The following B3GALT1 variants were observed in gnomAD, a reference collection of about 807,000 sequenced individuals.
B3GALT1 encodes beta-1,3-galactosyltransferase 1.
Under a neutral mutation model 23.2 loss-of-function variants are expected in B3GALT1, and 10 were observed. The observed-to-expected ratio is 0.43, with a 90% CI of 0.27 to 0.73. The LOEUF is 0.73. Ranked by LOEUF, B3GALT1 falls within the 30% of genes least tolerant of loss-of-function variation. The pLI, the probability that B3GALT1 is intolerant of heterozygous loss-of-function variation, is 0.21. For missense variants in B3GALT1, 299 were observed against 405.4 expected (o/e 0.74, Z 2.25); for synonymous variants, 156 against 141.5 (o/e 1.10, Z -0.73).
intron 2 of B3GALT1, among the ~76,000 whole-genome samples, chr2:167,532,150 T>C (rs1360644752): frequency 6.6e-6 from 1 of 152,168 alleles, no homozygotes; most frequent in Non-Finnish European, 1.5e-5. Context: ...ATGTTTCTTC[T>C]TTGGGGACTT....
intron 1 of B3GALT1, among the ~76,000 whole-genome samples, chr2:167,330,148 A>G (rs1473896747): frequency 6.7e-6 from 1 of 149,580 alleles, no homozygotes; most frequent in East Asian, 1.9e-4. Context: ...GGACCCTGAT[A>G]ATTCATATAT....
At chr2:167,320,544 A>G (rs1024917898) in intron 1 of B3GALT1, among the ~76,000 whole-genome samples, 6 of 152,016 alleles carry the variant, frequency 3.9e-5, no homozygotes, top group Admixed American at 1.3e-4. Flanking sequence ...TTCTAGATTC[A>G]TTGTAGAGCT....
At chr2:167,555,534 A>G (rs1233351606) in intron 2 of B3GALT1, among the ~76,000 whole-genome samples, 1 of 152,134 alleles carries the variant, frequency 6.6e-6, no homozygotes, top group East Asian at 1.9e-4. Flanking sequence ...CTTACATTTT[A>G]CTTTTATACA....
At chr2:167,707,137 CAGCCGTGGTAGTG>C (rs1686977899) in intron 3 of B3GALT1, among the ~76,000 whole-genome samples, 1 of 152,210 alleles carries the variant, frequency 6.6e-6, no homozygotes, top group East Asian at 1.9e-4. Flanking sequence ...GCACACCTTT[CAGCCGTGGTAGTG>C]AGCCACCTTG....
chr2:167,566,535 A>C (rs1403576174), intron 2 of B3GALT1, among the ~76,000 whole-genome samples: 3 of 145,982 alleles, frequency 2.1e-5, no homozygotes, highest in African/African-American at 7.8e-5. Flanking sequence ...AAGAAAAATT[A>C]GCTCAAAATA....
At chr2:167,664,438 A>G (rs1340336288) in intron 3 of B3GALT1, among the ~76,000 whole-genome samples, 2 of 151,872 alleles carry the variant, frequency 1.3e-5, no homozygotes, top group Non-Finnish European at 2.9e-5. Flanking sequence ...TTGACTTGGC[A>G]ATGCGGGCTC....
In B3GALT1 at chr2:167,869,022, A is replaced by G. The variant is rs773969379; in HGVS notation, c.-18A>G. The stretch of plus-strand genomic sequence containing the variant: ...AGGCGTATTCTTCAATATTTGGAAT[A>G]GACGTGTTCTCAAGACAATGGCTTC... On this transcript the variant is annotated 5_prime_UTR_variant, in exon 5 of 5. It adds an upstream start codon to the 5' untranslated region. Coordinates refer to ENST00000392690, the MANE Select transcript of B3GALT1 (RefSeq NM_020981.4). This position sits in a 1 kb window ranked among gnomAD's most constrained non-coding sequence, Gnocchi z 6.4. 6.4e-7 allele frequency: 1 copy of G among 1,572,174 alleles called. No individual in the cohort carries two copies. Among genetic ancestry groups the G allele is most frequent in the South Asian group, 1.2e-5 (1 of 84,914 alleles).
intron 1 of B3GALT1, among the ~76,000 whole-genome samples, chr2:167,368,388 C>T (rs908937963): frequency 6.6e-6 from 1 of 152,074 alleles, no homozygotes; most frequent in African/African-American, 2.4e-5. Flanking sequence ...GACATAAATC[C>T]TGAGGGTTTA....
intron 1 of B3GALT1, among the ~76,000 whole-genome samples, chr2:167,336,167 G>A (rs1177984448): frequency 1.3e-5 from 2 of 152,094 alleles, no homozygotes; most frequent in African/African-American, 2.4e-5. Context: ...ATTTACAGCT[G>A]TAATGACCCT....
chr2:167,752,518 T>TC (rs1431192608), intron 3 of B3GALT1, among the ~76,000 whole-genome samples: 3 of 136,014 alleles, frequency 2.2e-5, no homozygotes, highest in African/African-American at 8.7e-5. Flanking sequence ...CTCTATTTGT[T>TC]TTTTTTTTTA....
intron 3 of B3GALT1, chr2:167,714,790 A>G: frequency 6.2e-7 from 1 of 1,613,672 alleles, no homozygotes; most frequent in South Asian, 1.1e-5. Flanking sequence ...CCAGCTCTTC[A>G]GTGACATGGC....
At chr2:167,685,810 T>C (rs1686609560) in intron 3 of B3GALT1, among the ~76,000 whole-genome samples, 1 of 152,208 alleles carries the variant, frequency 6.6e-6, no homozygotes. Flanking sequence ...TTTTATCTAC[T>C]TTTTTCCTTA....
chr2:167,401,186 T>G (rs1031144173), intron 1 of B3GALT1, among the ~76,000 whole-genome samples: 1 of 152,138 alleles, frequency 6.6e-6, no homozygotes, highest in Admixed American at 6.6e-5. Context: ...AATTAAGTAA[T>G]TAAAATAGTT....
chr2:167,809,067 T>A (rs1183951767), intron 3 of B3GALT1, among the ~76,000 whole-genome samples: 1 of 152,254 alleles, frequency 6.6e-6, no homozygotes, highest in Non-Finnish European at 1.5e-5. Context: ...TTCTTTCAGT[T>A]GATCGAATCA....
At chr2:167,799,985 CAT>C (rs1688610294) in intron 3 of B3GALT1, among the ~76,000 whole-genome samples, 2 of 150,380 alleles carry the variant, frequency 1.3e-5, no homozygotes, top group South Asian at 2.1e-4. Context: ...TATGTATACA[CAT>C]AGTTTCTCTT....
At chr2:167,840,665 C>T (rs1213656837) in intron 4 of B3GALT1, among the ~76,000 whole-genome samples, 1 of 151,624 alleles carries the variant, frequency 6.6e-6, no homozygotes, top group Non-Finnish European at 1.5e-5. Context: ...ACCCAGCCAT[C>T]CCATTACTGG....
At chr2:167,776,591 T>TG (rs1688166653) in intron 3 of B3GALT1, among the ~76,000 whole-genome samples, 1 of 148,868 alleles carries the variant, frequency 6.7e-6, no homozygotes, top group Non-Finnish European at 1.5e-5. Flanking sequence ...TAACGAGGAG[T>TG]GGACAGGCCG....
chr2:167,787,954 G>T (rs1428554271), intron 3 of B3GALT1, among the ~76,000 whole-genome samples: 1 of 152,150 alleles, frequency 6.6e-6, no homozygotes, highest in Non-Finnish European at 1.5e-5. Flanking sequence ...TTCCAAAAAT[G>T]TTGATACCAG....
chr2:167,861,354 T>C (rs1690095682), intron 4 of B3GALT1, among the ~76,000 whole-genome samples: 1 of 152,168 alleles, frequency 6.6e-6, no homozygotes, highest in African/African-American at 2.4e-5. Flanking sequence ...TAGAGAAGCA[T>C]TTGTGCTTTG....
Sources: allele counts gnomAD v4.1 joint callset (sites outside exome capture counted in the v4.1 genomes callset), GRCh38; gene constraint gnomAD v4.1.1; non-coding constraint Gnocchi (gnomAD v3.1); transcripts MANE v1.5; gene names NCBI Gene and HGNC (gene_info 2026-07-23, HGNC 2026-07-21).